The following GDPD4 variants were observed in gnomAD, a reference collection of about 807,000 sequenced individuals.
The protein encoded by GDPD4 is glycerophosphodiester phosphodiesterase 6.
A neutral mutation model predicts 67.8 loss-of-function variants in GDPD4; 60 were observed. The observed-to-expected ratio is 0.88, with a 90% CI of 0.72 to 1.10. The LOEUF is 1.10. Ranked by LOEUF, GDPD4 falls within the 50% of genes least tolerant of loss-of-function variation. The pLI is 0.00. For missense variants in GDPD4, 623 were observed against 613.9 expected (o/e 1.01, Z -0.16); for synonymous variants, 212 against 210.9 (o/e 1.00, Z -0.04).
intron 11 of GDPD4, among the ~76,000 whole-genome samples, chr11:77,248,482 G>C (rs1429204988): frequency 6.6e-6 from 1 of 152,102 alleles, no homozygotes; most frequent in South Asian, 2.1e-4. Flanking sequence ...TTGCAGGCGT[G>C]AGCCACCATG....
intron 16 of GDPD4, among the ~76,000 whole-genome samples, chr11:77,217,577 T>C (rs921618938): frequency 6.6e-6 from 1 of 152,226 alleles, no homozygotes; most frequent in Non-Finnish European, 1.5e-5. Flanking sequence ...AGACTGACAT[T>C]TGCTTAAAGT....
intron 11 of GDPD4, among the ~76,000 whole-genome samples, chr11:77,248,437 G>A (rs1958822870): frequency 6.6e-6 from 1 of 151,958 alleles, no homozygotes; most frequent in Non-Finnish European, 1.5e-5. Context: ...TCCTGACCTT[G>A]TGATCCACCT....
At chr11:77,236,571 G>A (rs538041080) in intron 13 of GDPD4, among the ~76,000 whole-genome samples, 6 of 152,096 alleles carry the variant, frequency 3.9e-5, no homozygotes, top group South Asian at 4.2e-4. Context: ...ATTATAAGGC[G>A]GCCAGTGTGG....
At chr11:77,252,377 T>C (rs1329563719) in intron 11 of GDPD4, among the ~76,000 whole-genome samples, 1 of 152,204 alleles carries the variant, frequency 6.6e-6, no homozygotes, top group Non-Finnish European at 1.5e-5. Context: ...TCTTTTTTAC[T>C]GTATCTATGT....
At chr11:77,261,181 A>G (rs1959108848) in intron 10 of GDPD4, among the ~76,000 whole-genome samples, 1 of 152,174 alleles carries the variant, frequency 6.6e-6, no homozygotes, top group Non-Finnish European at 1.5e-5. Flanking sequence ...AGGCAAGAAA[A>G]ATATGTCAGA....
intron 10 of GDPD4, among the ~76,000 whole-genome samples, chr11:77,261,936 AT>A (rs1266199107): frequency 6.6e-6 from 1 of 152,224 alleles, no homozygotes; most frequent in Non-Finnish European, 1.5e-5. Context: ...ATTGTATTAG[AT>A]TTCCTTTTGG....
intron 3 of GDPD4, among the ~76,000 whole-genome samples, chr11:77,281,925 G>GA (rs1398677605): frequency 3.3e-5 from 5 of 151,614 alleles, no homozygotes; most frequent in African/African-American, 1.2e-4. Context: ...TTTATACAGG[G>GA]AAAAAAAGAT....
At chr11:77,240,544 G>T (rs1481231335) in intron 13 of GDPD4, among the ~76,000 whole-genome samples, 1 of 152,024 alleles carries the variant, frequency 6.6e-6, no homozygotes, top group African/African-American at 2.4e-5. Context: ...AGAAGAAAAT[G>T]GGAAAAGCTC....
At chr11:77,267,211 C>G (rs1157578827) in intron 10 of GDPD4, among the ~76,000 whole-genome samples, 2 of 152,166 alleles carry the variant, frequency 1.3e-5, no homozygotes, top group East Asian at 3.8e-4. Context: ...GGCTTGCAGC[C>G]GAAGAGTAAC....
rs1959024459 is a variant in GDPD4 at position 77,257,543 on chromosome 11, T to A, written c.864+843A>T. ...CTCTCTTCTTTCCTCTATCCCTCCC[T>A]CCCTCTCCTACACACACACACACAC... is the stretch of plus-strand genomic sequence containing the variant. On this transcript the variant is annotated intron_variant, in intron 11 of 16. Transcript: ENST00000315938. Among the ~76,000 whole-genome samples the A allele has an allele frequency of 2.4e-5, 3 of 125,184 alleles. No homozygotes were observed. In the Admixed American group the frequency reaches 2.7e-4, roughly 11 times the overall value. The allele number at this position is 125,184 out of a possible 152,430, so 82.1% of individuals were successfully genotyped here. A position where few individuals can be genotyped will look rare whatever the true frequency, so the allele number is the denominator to read the frequency against.
intron 16 of GDPD4, among the ~76,000 whole-genome samples, chr11:77,225,062 C>T (rs1958301479): frequency 6.6e-6 from 1 of 151,850 alleles, no homozygotes; most frequent in Non-Finnish European, 1.5e-5. Flanking sequence ...CATGATCATG[C>T]CACTATACTC....
intron 13 of GDPD4, among the ~76,000 whole-genome samples, chr11:77,240,647 C>T (rs1357637231): frequency 6.6e-6 from 1 of 151,914 alleles, no homozygotes; most frequent in Non-Finnish European, 1.5e-5. Context: ...CTACATCAAA[C>T]CAAAAAGTGT....
At chr11:77,259,007 C>T (rs1048524487) in intron 10 of GDPD4, among the ~76,000 whole-genome samples, 3 of 152,074 alleles carry the variant, frequency 2.0e-5, no homozygotes, top group African/African-American at 7.2e-5. Context: ...TTTTTTGAGA[C>T]GGAGTCTTGC....
intron 10 of GDPD4, among the ~76,000 whole-genome samples, chr11:77,259,959 C>A (rs1256781621): frequency 6.6e-6 from 1 of 152,096 alleles, no homozygotes; most frequent in Non-Finnish European, 1.5e-5. Context: ...TTCCATCCAG[C>A]GAGAGAGGAG....
At chr11:77,254,229 AG>A (rs1353713401) in intron 11 of GDPD4, among the ~76,000 whole-genome samples, 3 of 152,118 alleles carry the variant, frequency 2.0e-5, no homozygotes, top group Non-Finnish European at 4.4e-5. Context: ...GGACCCCAAT[AG>A]GGGTCCAAGC....
chr11:77,228,499 CAAA>C (rs58364800), intron 15 of GDPD4, among the ~76,000 whole-genome samples: 321 of 26,580 alleles, frequency 0.012, 2 homozygotes, highest in African/African-American at 0.047. Flanking sequence ...GACTCCGTCT[CAAA>C]AAAAAAAAAA....
intron 5 of GDPD4, among the ~76,000 whole-genome samples, chr11:77,274,831 G>A (rs1215110215): frequency 1.3e-5 from 2 of 152,124 alleles, no homozygotes; most frequent in African/African-American, 2.4e-5. Context: ...TATTTGGGAG[G>A]TAAAAAAGTT....
chr11:77,251,624 T>C (rs1488936031), intron 11 of GDPD4, among the ~76,000 whole-genome samples: 2 of 152,234 alleles, frequency 1.3e-5, no homozygotes, highest in African/African-American at 4.8e-5. Flanking sequence ...TTGCTCTTTT[T>C]AGAATTATTT....
At chr11:77,264,499 T>A (rs1236229127) in intron 10 of GDPD4, among the ~76,000 whole-genome samples, 3 of 152,014 alleles carry the variant, frequency 2.0e-5, no homozygotes, top group Admixed American at 2.0e-4. Context: ...AACAGCCAGG[T>A]AGGAAGAAAA....
Sources: gnomAD v4.1 joint callset for allele counts (sites outside exome capture counted in the v4.1 genomes callset) on GRCh38, gnomAD v4.1.1 for gene constraint, MANE v1.5 for transcripts, NCBI Gene and HGNC (gene_info 2026-07-23, HGNC 2026-07-21) for gene names.